PRAC2: variants seen among roughly 807,000 people sequenced by gnomAD.
PRAC2 encodes protein PRAC2.
For synonymous variants in PRAC2, 43 were observed against 49.5 expected (o/e 0.87, Z 0.55); for missense variants, 92 against 114.5 (o/e 0.80, Z 0.90).
upstream of PRAC2, chr17:48,721,718 GT>G: frequency 7.8e-7 from 1 of 1,287,804 alleles, no homozygotes; most frequent in Non-Finnish European, 1.0e-6. Context: ...CTTTCACCCA[GT>G]TTCCTTTTTT....
rs1413507396 is a variant in PRAC2, at chr17:48,724,583, AC to A, written c.178del (p.His60ThrfsTer16). 1.8e-5 allele frequency: 22 copies of A among 1,231,002 alleles called. No individual in the cohort carries two copies. 76.3% of individuals were successfully genotyped at this position (1,231,002 alleles called of 1,614,324 possible). A position where few individuals can be genotyped will look rare whatever the true frequency, so the allele number is the denominator to read the frequency against. On this transcript the variant is annotated frameshift_variant, in exon 2 of 2. Transcript: ENST00000422730. LOFTEE classifies it low-confidence loss of function (END_TRUNC). ...AATGGCAGGCGACATCGGGTCCTGGACCCCCACACGCAGCTCAGTACCCACG... is the reference window on the plus strand; with the variant it reads ...AATGGCAGGCGACATCGGGTCCTGGACCCCACACGCAGCTCAGTACCCACG... Reference protein sequence around the residue: ...WPNGRRHRVLDPHTQLSTHEA... With the variant: ...WPNGRRHRVLXPHTQLSTHEA...
At position 48,724,493 on chromosome 17, in the gene PRAC2, A is replaced by T. The variant is rs185214256; in HGVS notation, c.83A>T (p.Asn28Ile). 223 of 1,232,880 alleles carry T rather than the reference A, an allele frequency of 1.8e-4. No homozygotes were observed. The highest frequency in any genetic ancestry group is 1.9e-4 in the Non-Finnish European group (191 of 987,874). The allele number at this position is 1,232,880 out of a possible 1,614,324, so 76.4% of individuals were successfully genotyped here. The change falls in exon 2 of 2, where the codon AAC becomes ATC. Residue 28 changes from asparagine (N) to isoleucine (I), a missense_variant. Asn to Ile is a moderately radical substitution (Grantham distance 149). Coordinates refer to ENST00000422730, the MANE Select transcript of PRAC2 (RefSeq NM_001282275.2). Reference protein sequence around the residue: ...FFFHSRWLVPNLLAFFLGLSG... With the variant: ...FFFHSRWLVPILLAFFLGLSG... ...TTCCATTCGAGATGGCTCGTACCGA[A>T]CCTCCTTGCCTTCTTCCTGGGTCTC...
At chr17:48,720,198 G>A (rs1323454418), upstream of PRAC2, among the ~76,000 whole-genome samples, 1 of 152,226 alleles carries the variant, frequency 6.6e-6, no homozygotes, top group Non-Finnish European at 1.5e-5. Flanking sequence ...GCCTGGATGA[G>A]GGTAAGGCGA....
chr17:48,722,807 T>C (rs955964719), upstream of PRAC2, among the ~76,000 whole-genome samples: 1 of 151,902 alleles, frequency 6.6e-6, no homozygotes, highest in Admixed American at 6.6e-5. Context: ...TTTAGGAAAA[T>C]GGGGGCGGGG....
upstream of PRAC2, among the ~76,000 whole-genome samples, chr17:48,718,927 C>T (rs905071357): frequency 3.3e-5 from 5 of 152,182 alleles, no homozygotes; most frequent in African/African-American, 1.2e-4. Flanking sequence ...GTGTCTCTGG[C>T]CCCAAATACG....
At chr17:48,719,845 G>T (rs1335717310), upstream of PRAC2, among the ~76,000 whole-genome samples, 1 of 152,092 alleles carries the variant, frequency 6.6e-6, no homozygotes, top group Admixed American at 6.5e-5. Flanking sequence ...ATAAAGCCGC[G>T]CGAGGCCCGG....
rs1245653527 is a variant in PRAC2, at chr17:48,724,442, G to A, written c.32G>A (p.Gly11Asp). 2.6e-5 allele frequency: 32 copies of A among 1,234,172 alleles called. No homozygotes were observed. Among genetic ancestry groups the A allele is most frequent in the South Asian group, 1.2e-4 (3 of 24,414 alleles). The allele number at this position is 1,234,172 out of a possible 1,614,324, so 76.5% of individuals were successfully genotyped here. A position where few individuals can be genotyped will look rare whatever the true frequency, so the allele number is the denominator to read the frequency against. ...AGAAGGCGGATGGCTCTGCGGCCTGGCTCCCGCAGACCGACCGCCTTCTTC... is the reference window on the plus strand; with the variant it reads ...AGAAGGCGGATGGCTCTGCGGCCTGACTCCCGCAGACCGACCGCCTTCTTC... Reference protein sequence around the residue: MDRRRMALRPGSRRPTAFFFH... With the variant: MDRRRMALRPDSRRPTAFFFH... Residue 11 changes from glycine to aspartate, a missense_variant, in exon 2 of 2, where the codon GGC (glycine) becomes GAC (aspartate). By Grantham distance (94) the Gly-to-Asp change is moderately conservative (BLOSUM62 -1). Coordinates refer to ENST00000422730, the MANE Select transcript of PRAC2 (RefSeq NM_001282275.2).
At chr17:48,719,513 C>A (rs1373841589), upstream of PRAC2, among the ~76,000 whole-genome samples, 1 of 152,194 alleles carries the variant, frequency 6.6e-6, no homozygotes, top group Non-Finnish European at 1.5e-5. Flanking sequence ...CGGATAACCC[C>A]GCCGAGGGAG....
At chr17:48,720,844 G>A (rs552982492), upstream of PRAC2, among the ~76,000 whole-genome samples, 1 of 152,318 alleles carries the variant, frequency 6.6e-6, no homozygotes, top group South Asian at 2.1e-4. Flanking sequence ...GCAGGTGCTT[G>A]TTAGTGTCTG....
chr17:48,723,169 G>A (rs1320513375), upstream of PRAC2: 1 of 152,162 alleles, frequency 6.6e-6, no homozygotes, highest in African/African-American at 2.4e-5. Context: ...TGGGCTAGAG[G>A]CCCGGGGCCG....
At chr17:48,721,869 C>A, upstream of PRAC2, 1 of 1,535,254 alleles carries the variant, frequency 6.5e-7, no homozygotes, top group South Asian at 1.2e-5. Context: ...CTCCTGGTCT[C>A]GCCCAGTAGA....
chr17:48,721,353 TCTCA>T (rs886505230), upstream of PRAC2, among the ~76,000 whole-genome samples: 37 of 152,030 alleles, frequency 2.4e-4, no homozygotes, highest in Non-Finnish European at 4.4e-4. Context: ...TGTCACAGAG[TCTCA>T]CTCTGTCACA....
Position 48,724,389 on chromosome 17 carries a change from T to C in PRAC2, c.-22T>C, listed in dbSNP as rs2038180880. On this transcript the variant is annotated 5_prime_UTR_variant, in exon 2 of 2. The change abolishes an upstream ATG in the 5' untranslated region. Transcript: ENST00000422730. ...GGGGGGTCCACACCACTAATTATTATGGCGAGGAAGATAAAGAAGACATGG... is the reference window on the plus strand; with the variant it reads ...GGGGGGTCCACACCACTAATTATTACGGCGAGGAAGATAAAGAAGACATGG... The C allele has an allele frequency of 8.1e-7, 1 of 1,234,366 alleles. No individual in the cohort carries two copies. The highest frequency in any genetic ancestry group is 1.0e-6 in the Non-Finnish European group (1 of 988,156). The allele number at this position is 1,234,366 out of a possible 1,614,324, so 76.5% of individuals were successfully genotyped here. A position where few individuals can be genotyped will look rare whatever the true frequency, so the allele number is the denominator to read the frequency against.
upstream of PRAC2, chr17:48,722,283 C>T (rs754925601): frequency 3.8e-5 from 59 of 1,558,932 alleles, no homozygotes; most frequent in Non-Finnish European, 4.7e-5. Context: ...CTGAGCGATC[C>T]GTCGATAACG....
At position 48,724,670 on chromosome 17, in the gene PRAC2, TCC is replaced by T. The variant is rs1018215451; in HGVS notation, c.261_262del (p.Leu88GlyfsTer15). 2.4e-6 allele frequency: 3 copies of T among 1,232,076 alleles called. No homozygotes were observed. The African/African-American group carries it at 4.7e-5, about 19-fold the overall frequency. 76.3% of individuals were successfully genotyped at this position (1,232,076 alleles called of 1,614,324 possible). ...ACGATGAAAGCCTGCCCGCAGGTTC[TCC>T]TGGAGTGGTGAGCCTCTGTCGGAAG... On this transcript the variant is annotated frameshift_variant, in exon 2 of 2. Transcript: ENST00000422730. LOFTEE classifies it high-confidence loss of function.
In PRAC2 at chr17:48,724,562, G is replaced by A. The variant is rs922448551; in HGVS notation, c.152G>A (p.Gly51Asp). 3 of 1,232,234 alleles carry A rather than the reference G, an allele frequency of 2.4e-6. No homozygotes were observed. Among genetic ancestry groups the A allele is most frequent in the Non-Finnish European group, 3.0e-6 (3 of 987,954 alleles). The allele number at this position is 1,232,234 out of a possible 1,614,324, so 76.3% of individuals were successfully genotyped here. A position where few individuals can be genotyped will look rare whatever the true frequency, so the allele number is the denominator to read the frequency against. Reference sequence around the variant, plus strand: ...CATCTGCCGATGCCCTGGCCGAATGGCAGGCGACATCGGGTCCTGGACCCC... The same window carrying A: ...CATCTGCCGATGCCCTGGCCGAATGACAGGCGACATCGGGTCCTGGACCCC... ...PIHLPMPWPN[G>D]RRHRVLDPHT... Residue 51 changes from glycine to aspartate, a missense_variant, in exon 2 of 2, where the codon GGC becomes GAC. Physicochemically the swap from Gly to Asp is moderately conservative, Grantham distance 94. Coordinates refer to ENST00000422730, the MANE Select transcript of PRAC2 (RefSeq NM_001282275.2).
upstream of PRAC2, chr17:48,721,874 A>T: frequency 6.5e-7 from 1 of 1,533,748 alleles, no homozygotes; most frequent in Non-Finnish European, 8.8e-7. Flanking sequence ...GGTCTCGCCC[A>T]GTAGATGTTT....
Position 48,724,550 on chromosome 17 carries a change from C to T in PRAC2, c.140C>T (p.Pro47Leu), listed in dbSNP as rs2038184535. 1.6e-6 allele frequency: 2 copies of T among 1,232,440 alleles called. No individual in the cohort carries two copies. The highest frequency in any genetic ancestry group is 2.0e-6 in the Non-Finnish European group (2 of 987,970). 76.3% of individuals were successfully genotyped at this position (1,232,440 alleles called of 1,614,324 possible). A position where few individuals can be genotyped will look rare whatever the true frequency, so the allele number is the denominator to read the frequency against. The part of the protein sequence containing the change: ...SGAGPIHLPM[P>L]WPNGRRHRVL... ...GCTGGACCAATACATCTGCCGATGC[C>T]CTGGCCGAATGGCAGGCGACATCGG... is the stretch of plus-strand genomic sequence containing the variant. Residue 47 changes from proline (P) to leucine (L), a missense_variant, in exon 2 of 2, where the codon CCC becomes CTC. Transcript: ENST00000422730.
upstream of PRAC2, chr17:48,721,623 C>T (rs987964470): frequency 5.7e-6 from 3 of 523,408 alleles, no homozygotes; most frequent in Admixed American, 4.2e-5. Context: ...CTATGCCTGG[C>T]CCGTTTTTAT....
Sources: gnomAD v4.1 joint callset for allele counts (sites outside exome capture counted in the v4.1 genomes callset) on GRCh38, gnomAD v4.1.1 for gene constraint, MANE v1.5 for transcripts, NCBI Gene and HGNC (gene_info 2026-07-23, HGNC 2026-07-21) for gene names.